SPOCK3: variants seen among roughly 807,000 people sequenced by gnomAD.
The protein encoded by SPOCK3 is SPARC (osteonectin), cwcv and kazal like domains proteoglycan 3, also known as testican-3.
Under a neutral mutation model 56.6 loss-of-function variants are expected in SPOCK3, and 30 were observed. That is an observed-to-expected ratio of 0.53 (90% CI 0.40 to 0.72). The LOEUF is 0.72. Ranked by LOEUF, SPOCK3 falls within the 30% of genes least tolerant of loss-of-function variation. The probability of loss-of-function intolerance (pLI) is 0.00; values close to 1 mark genes in which losing one functional copy is unlikely to be tolerated. For synonymous variants in SPOCK3, 196 were observed against 183.3 expected (o/e 1.07, Z -0.56); for missense variants, 527 against 530.0 (o/e 0.99, Z 0.06).
At chr4:166,769,075 G>T (rs780514961) in intron 7 of SPOCK3, among the ~76,000 whole-genome samples, 36 of 152,178 alleles carry the variant, frequency 2.4e-4, no homozygotes, top group Non-Finnish European at 4.6e-4. Flanking sequence ...GGTTATTCTA[G>T]TTAGCCATTT....
chr4:166,748,472 T>C lies in SPOCK3; in HGVS notation c.931+6036A>G, dbSNP rs1338148157. ...AACTGGATGCCTTCCTTACATCATA[T>C]ACAAAAGTTAACTCAAGATGGATTA... is the stretch of plus-strand genomic sequence containing the variant. On this transcript the variant is annotated intron_variant, in intron 8 of 10. Coordinates refer to ENST00000357545, the MANE Select transcript of SPOCK3 (RefSeq NM_001040159.2). Among the ~76,000 whole-genome samples the C allele has an allele frequency of 1.5e-5, 2 of 136,958 alleles. 1 individual carries two copies. Among genetic ancestry groups the C allele is most frequent in the Non-Finnish European group, 3.1e-5 (2 of 64,708 alleles). The allele number at this position is 136,958 out of a possible 152,430, so 89.8% of individuals were successfully genotyped here. A position where few individuals can be genotyped will look rare whatever the true frequency, so the allele number is the denominator to read the frequency against.
At chr4:167,106,263 A>C (rs1330261416) in intron 2 of SPOCK3, among the ~76,000 whole-genome samples, 1 of 151,986 alleles carries the variant, frequency 6.6e-6, no homozygotes, top group Admixed American at 6.6e-5. Flanking sequence ...TATTCCAAAA[A>C]AATGAAATAA....
intron 3 of SPOCK3, among the ~76,000 whole-genome samples, chr4:167,023,267 T>C (rs929650904): frequency 6.6e-6 from 1 of 151,872 alleles, no homozygotes; most frequent in African/African-American, 2.4e-5. Flanking sequence ...GGACTAACTT[T>C]TATGAACTCA....
At chr4:166,743,342 T>A (rs1212643682) in intron 8 of SPOCK3, among the ~76,000 whole-genome samples, 1 of 152,160 alleles carries the variant, frequency 6.6e-6, no homozygotes, top group Non-Finnish European at 1.5e-5. Context: ...TTCAAAATAT[T>A]CAATTATGAA....
At position 167,069,797 on chromosome 4, in the gene SPOCK3, T is replaced by A. The variant is rs190099662; in HGVS notation, c.190-7260A>T. On this transcript the variant is annotated intron_variant, in intron 2 of 10. Coordinates refer to ENST00000357545, the MANE Select transcript of SPOCK3 (RefSeq NM_001040159.2). ...TGGCTTTAGCCTTAGAAAATGGTTA[T>A]GTAACCCTGTAGAAGAATCTTAGAG... Among the ~76,000 whole-genome samples the A allele has an allele frequency of 5.3e-5, 8 of 152,082 alleles. No homozygotes were observed. The East Asian group carries it at 1.4e-3, about 26-fold the overall frequency.
chr4:167,057,018 G>T (rs572311373), intron 3 of SPOCK3, among the ~76,000 whole-genome samples: 1 of 152,302 alleles, frequency 6.6e-6, no homozygotes, highest in East Asian at 1.9e-4. Context: ...AGGAAAAAAT[G>T]TTAAGGGCAT....
chr4:167,124,806 G>C (rs981920392), intron 2 of SPOCK3, among the ~76,000 whole-genome samples: 2 of 151,866 alleles, frequency 1.3e-5, no homozygotes, highest in East Asian at 3.9e-4. Context: ...CTAAATATAC[G>C]GTCCCTTTAT....
In SPOCK3 at chr4:166,752,466, C is replaced by T. The variant is rs569492774; in HGVS notation, c.931+2042G>A. On this transcript the variant is annotated intron_variant, in intron 8 of 10. Transcript: ENST00000357545. Reference sequence around the variant, plus strand: ...GTCTTCATGGCAGTTTTAAGTAAGCCTAGATTAAATAACCTCTCATTCCAT... The same window carrying T: ...GTCTTCATGGCAGTTTTAAGTAAGCTTAGATTAAATAACCTCTCATTCCAT... Among the ~76,000 whole-genome samples the T allele has an allele frequency of 2.6e-5, 4 of 151,488 alleles. No individual in the cohort carries two copies. The South Asian group carries it at 8.3e-4, about 32-fold the overall frequency.
intron 2 of SPOCK3, among the ~76,000 whole-genome samples, chr4:167,129,994 A>G (rs1462416639): frequency 6.6e-6 from 1 of 152,120 alleles, no homozygotes; most frequent in African/African-American, 2.4e-5. Context: ...ATTTCCAATT[A>G]TGTTTTCCAA....
chr4:167,191,135 A>C (rs533300057), intron 2 of SPOCK3, among the ~76,000 whole-genome samples: 1 of 146,034 alleles, frequency 6.8e-6, no homozygotes, highest in East Asian at 2.0e-4. Flanking sequence ...TACACAGTAT[A>C]GGATTGTTTT....
chr4:167,052,896 A>C (rs1306848695), intron 3 of SPOCK3, among the ~76,000 whole-genome samples: 1 of 152,204 alleles, frequency 6.6e-6, no homozygotes, highest in Non-Finnish European at 1.5e-5. Flanking sequence ...AAGAAGAGGA[A>C]GCTAAGTTAG....
At chr4:167,012,972 CA>C (rs1750238969) in intron 3 of SPOCK3, among the ~76,000 whole-genome samples, 1 of 151,880 alleles carries the variant, frequency 6.6e-6, no homozygotes, top group African/African-American at 2.4e-5. Flanking sequence ...AGACTTTTGA[CA>C]GTCAATTTTG....
chr4:167,009,239 G>A (rs778958226), intron 3 of SPOCK3, among the ~76,000 whole-genome samples: 1 of 151,936 alleles, frequency 6.6e-6, no homozygotes, highest in Admixed American at 6.6e-5. Context: ...GTATGTATCC[G>A]AGGGCATTAC....
At chr4:166,928,043 T>C (rs1739314974) in intron 4 of SPOCK3, among the ~76,000 whole-genome samples, 1 of 152,162 alleles carries the variant, frequency 6.6e-6, no homozygotes, top group African/African-American at 2.4e-5. Flanking sequence ...TATAAACTTA[T>C]TAGAATGGCC....
chr4:166,990,894 A>T (rs540214241), intron 4 of SPOCK3, among the ~76,000 whole-genome samples: 2 of 152,176 alleles, frequency 1.3e-5, no homozygotes, highest in Non-Finnish European at 2.9e-5. Flanking sequence ...TAGAATAAGA[A>T]ATACTCATTT....
chr4:167,071,051 A>C (rs915332854), intron 2 of SPOCK3, among the ~76,000 whole-genome samples: 3 of 151,952 alleles, frequency 2.0e-5, no homozygotes, highest in Non-Finnish European at 4.4e-5. Context: ...AAATAGTGTC[A>C]AAAGGACAGT....
intron 2 of SPOCK3, among the ~76,000 whole-genome samples, chr4:167,086,004 T>G (rs1202154597): frequency 6.6e-6 from 1 of 152,114 alleles, no homozygotes; most frequent in Non-Finnish European, 1.5e-5. Flanking sequence ...CCTACTAGGC[T>G]ATGAGAAAGT....
intron 2 of SPOCK3, among the ~76,000 whole-genome samples, chr4:167,073,288 T>C (rs1178986916): frequency 6.6e-6 from 1 of 151,746 alleles, no homozygotes; most frequent in Non-Finnish European, 1.5e-5. Context: ...AAATGTTAAA[T>C]GCATGTCCGT....
chr4:166,936,613 A>T (rs534957882), intron 4 of SPOCK3, among the ~76,000 whole-genome samples: 36 of 152,180 alleles, frequency 2.4e-4, no homozygotes, highest in African/African-American at 8.7e-4. Flanking sequence ...ATTTTTCTTT[A>T]CAGGGATAAA....
Sources: gnomAD v4.1 joint callset for allele counts (sites outside exome capture counted in the v4.1 genomes callset) on GRCh38, gnomAD v4.1.1 for gene constraint, MANE v1.5 for transcripts, NCBI Gene and HGNC (gene_info 2026-07-23, HGNC 2026-07-21) for gene names.